The following DPP10 variants were observed in gnomAD, a reference collection of about 807,000 sequenced individuals.
DPP10 encodes inactive dipeptidyl peptidase 10.
A neutral mutation model predicts 120.9 loss-of-function variants in DPP10; 33 were observed. The observed-to-expected ratio is 0.27, with a 90% CI of 0.21 to 0.37. The LOEUF (loss-of-function observed/expected upper bound fraction) is 0.37, where lower values mean the gene tolerates loss of function less well. Among genes scored for constraint, DPP10 ranks in the 10% least tolerant of loss-of-function variants. The pLI, the probability that DPP10 is intolerant of heterozygous loss-of-function variation, is 1.00. For missense variants in DPP10, 816 were observed against 942.8 expected (o/e 0.87, Z 1.76); for synonymous variants, 337 against 326.1 (o/e 1.03, Z -0.36).
intron 5 of DPP10, among the ~76,000 whole-genome samples, chr2:115,658,145 C>T (rs1156498779): frequency 1.3e-5 from 2 of 151,888 alleles, no homozygotes; most frequent in Non-Finnish European, 2.9e-5. Context: ...AGTACATATC[C>T]AAATATCAGT....
intron 1 of DPP10, among the ~76,000 whole-genome samples, chr2:114,446,969 A>G (rs1362716297): frequency 6.6e-6 from 1 of 152,022 alleles, no homozygotes; most frequent in South Asian, 2.1e-4. Context: ...GGAGTGTGAC[A>G]TTGCCATGAA....
At chr2:114,944,698 A>G (rs74913794) in intron 1 of DPP10, among the ~76,000 whole-genome samples, 7,093 of 152,278 alleles carry the variant, frequency 0.047, 209 homozygotes, top group East Asian at 0.12. Flanking sequence ...AGGTTTTTAC[A>G]TTAGGCATTT....
intron 1 of DPP10, among the ~76,000 whole-genome samples, chr2:114,779,694 G>C (rs1682102028): frequency 1.3e-5 from 2 of 152,138 alleles, no homozygotes; most frequent in South Asian, 4.1e-4. Context: ...CTGGTGTTAA[G>C]GATGCCCAAC....
At chr2:114,714,453 G>A (rs1031741176) in intron 1 of DPP10, among the ~76,000 whole-genome samples, 1 of 152,110 alleles carries the variant, frequency 6.6e-6, no homozygotes, top group Non-Finnish European at 1.5e-5. Context: ...TGCCTTCTGT[G>A]ACAACAAAAG....
intron 1 of DPP10, among the ~76,000 whole-genome samples, chr2:115,014,868 A>G (rs111837275): frequency 6.6e-6 from 1 of 150,486 alleles, no homozygotes; most frequent in African/African-American, 2.4e-5. Flanking sequence ...CAACCAAAAA[A>G]AAAAAAAAAA....
intron 4 of DPP10, among the ~76,000 whole-genome samples, chr2:115,505,805 G>A (rs975499435): frequency 6.6e-6 from 1 of 152,112 alleles, no homozygotes; most frequent in African/African-American, 2.4e-5. Flanking sequence ...AATGTATTGT[G>A]TATTTCAAAA....
Position 115,791,185 on chromosome 2 carries a change from A to G in DPP10, c.1630+6A>G, listed in dbSNP as rs201177224. 3.8e-5 allele frequency: 61 copies of G among 1,612,348 alleles called. No homozygotes were observed. The African/African-American group carries it at 6.9e-4, about 18-fold the overall frequency. On this transcript the variant is annotated splice_donor_region_variant and intron_variant, in intron 18 of 25. Coordinates refer to ENST00000410059, the MANE Select transcript of DPP10 (RefSeq NM_020868.6). ...CCTTCATATTGACGACTATGGTAAA[A>G]TTTTGTGCATGCTATGTTATTCAAG...
chr2:114,982,083 A>G (rs771771703), intron 1 of DPP10, among the ~76,000 whole-genome samples: 1 of 151,680 alleles, frequency 6.6e-6, no homozygotes, highest in Non-Finnish European at 1.5e-5. Context: ...TTTGGTAGAG[A>G]TGGGGTTTCA....
chr2:114,500,779 T>G (rs1243104491), intron 1 of DPP10, among the ~76,000 whole-genome samples: 1 of 152,218 alleles, frequency 6.6e-6, no homozygotes, highest in Non-Finnish European at 1.5e-5. Context: ...GAAACACTGT[T>G]GTCTTTGGAA....
intron 1 of DPP10, among the ~76,000 whole-genome samples, chr2:114,878,644 C>G (rs1341649858): frequency 1.3e-5 from 2 of 152,030 alleles, no homozygotes; most frequent in Admixed American, 6.6e-5. Flanking sequence ...GCATGAGATC[C>G]ATTTTTTTAG....
At chr2:115,380,801 T>C (rs2066269351) in intron 3 of DPP10, among the ~76,000 whole-genome samples, 1 of 152,080 alleles carries the variant, frequency 6.6e-6, no homozygotes, top group African/African-American at 2.4e-5. Flanking sequence ...TTATTTCTCC[T>C]TCACTTATGA....
At chr2:114,881,457 G>GTCTATCTATCTATCTATCTGTCTATCTA (rs1691604574) in intron 1 of DPP10, among the ~76,000 whole-genome samples, 6 of 144,214 alleles carry the variant, frequency 4.2e-5, no homozygotes, top group Non-Finnish European at 7.5e-5. Context: ...CTGTCTGTCT[G>GTCTATCTATCTATCTATCTGTCTATCTA]TCTATCTATC....
chr2:115,835,451 GAGAA>G (rs954354170), intron 21 of DPP10, among the ~76,000 whole-genome samples: 4 of 152,266 alleles, frequency 2.6e-5, no homozygotes, highest in East Asian at 1.9e-4. Flanking sequence ...AAGAGAGGGA[GAGAA>G]AGAGAGAGAG....
At chr2:114,879,300 T>C (rs1166020436) in intron 1 of DPP10, among the ~76,000 whole-genome samples, 1 of 152,058 alleles carries the variant, frequency 6.6e-6, no homozygotes, top group Admixed American at 6.6e-5. Flanking sequence ...ATGATTCATG[T>C]TTTTGTTATT....
chr2:115,014,748 G>T (rs1271431524), intron 1 of DPP10, among the ~76,000 whole-genome samples: 4 of 151,698 alleles, frequency 2.6e-5, no homozygotes, highest in Admixed American at 2.0e-4. Flanking sequence ...TAGAAGAAAT[G>T]GATAAATTCC....
At position 114,798,958 on chromosome 2, in the gene DPP10, G is replaced by A. The variant is rs144811130; in HGVS notation, c.60+356120G>A. Reference sequence around the variant, plus strand: ...AGCCTGGTCAACATGGTGAAACCCCGTCTCTACTAGAAATACAAAAAATAG... The same window carrying A: ...AGCCTGGTCAACATGGTGAAACCCCATCTCTACTAGAAATACAAAAAATAG... On this transcript the variant is annotated intron_variant, in intron 1 of 25. Coordinates refer to ENST00000410059, the MANE Select transcript of DPP10 (RefSeq NM_020868.6). Among the ~76,000 whole-genome samples, 241 of 152,114 alleles carry A rather than the reference G, an allele frequency of 1.6e-3. 2 individuals are homozygous for A. The highest frequency in any genetic ancestry group is 5.0e-3 in the African/African-American group (207 of 41,492).
At chr2:114,828,000 GA>G (rs1382636740) in intron 1 of DPP10, among the ~76,000 whole-genome samples, 8 of 151,972 alleles carry the variant, frequency 5.3e-5, no homozygotes, top group African/African-American at 1.9e-4. Context: ...TTGCTTTGTA[GA>G]AAAAAACAGC....
At chr2:114,539,116 A>G (rs1209956606) in intron 1 of DPP10, among the ~76,000 whole-genome samples, 3 of 149,968 alleles carry the variant, frequency 2.0e-5, no homozygotes, top group African/African-American at 4.9e-5. Context: ...TAAAATAAAA[A>G]TTGTATTTTA....
chr2:114,791,710 G>T (rs1486054297), intron 1 of DPP10, among the ~76,000 whole-genome samples: 3 of 152,160 alleles, frequency 2.0e-5, no homozygotes, highest in African/African-American at 7.2e-5. Context: ...AATGACTCAT[G>T]AACATAGTTA....
Sources: gnomAD v4.1 joint callset for allele counts (sites outside exome capture counted in the v4.1 genomes callset) on GRCh38, gnomAD v4.1.1 for gene constraint, MANE v1.5 for transcripts, NCBI Gene and HGNC (gene_info 2026-07-23, HGNC 2026-07-21) for gene names.